Variants in SLCO1C1 observed in about 807,000 individuals in gnomAD.
SLCO1C1 encodes the protein OAT-RP-5.
SLCO1C1 carries 70 observed loss-of-function variants against 76.4 expected under a neutral mutation model. The ratio of observed to expected loss-of-function variants is 0.92; its 90% CI spans 0.76 to 1.12. SLCO1C1 has a LOEUF of 1.12. Among genes scored for constraint, SLCO1C1 ranks in the 50% most tolerant of loss-of-function variants. The pLI is 0.00. For missense variants in SLCO1C1, 912 were observed against 823.8 expected (o/e 1.11, Z -1.31); for synonymous variants, 306 against 286.1 (o/e 1.07, Z -0.70).
In SLCO1C1 at chr12:20,717,113, T is replaced by C; in HGVS notation, c.677-19T>C. Reference sequence around the variant, plus strand: ...AGAAATGACAGCTTTTTTTTTTTCCTTTTCTTTTCTTGGTGCAGGGTGTGT... The same window carrying C: ...AGAAATGACAGCTTTTTTTTTTTCCCTTTCTTTTCTTGGTGCAGGGTGTGT... On this transcript the variant is annotated intron_variant, in intron 6 of 14. Coordinates refer to ENST00000266509, the MANE Select transcript of SLCO1C1 (RefSeq NM_017435.5). The C allele has an allele frequency of 6.3e-7, 1 of 1,576,738 alleles. No homozygotes were observed. The highest frequency in any genetic ancestry group is 1.9e-5 in the Admixed American group (1 of 53,628).
intron 13 of SLCO1C1, among the ~76,000 whole-genome samples, chr12:20,744,094 T>A (rs1429374394): frequency 6.6e-6 from 1 of 152,038 alleles, no homozygotes; most frequent in Non-Finnish European, 1.5e-5. Flanking sequence ...GATCTTGATA[T>A]AAAATGGTTG....
chr12:20,746,984 A>G (rs1430008475), intron 13 of SLCO1C1, among the ~76,000 whole-genome samples: 2 of 146,200 alleles, frequency 1.4e-5, no homozygotes, highest in Non-Finnish European at 3.0e-5. Context: ...TACATTTTAG[A>G]TAAAATTAAT....
intron 5 of SLCO1C1, among the ~76,000 whole-genome samples, chr12:20,713,886 G>A (rs867808039): frequency 2.6e-5 from 4 of 152,142 alleles, no homozygotes; most frequent in Middle Eastern, 3.2e-3. Context: ...CAGACCTAAG[G>A]TGCCTACACT....
intron 11 of SLCO1C1, among the ~76,000 whole-genome samples, chr12:20,737,987 G>A (rs974029965): frequency 6.6e-6 from 1 of 152,082 alleles, no homozygotes; most frequent in Non-Finnish European, 1.5e-5. Context: ...CTGGTTCCTA[G>A]TGAGGACCCA....
intron 12 of SLCO1C1, 90 bp downstream of exon 12, chr12:20,740,458 T>C: frequency 8.4e-7 from 1 of 1,190,338 alleles, no homozygotes; most frequent in South Asian, 1.5e-5. Context: ...AGTCTATGAT[T>C]CCTCTTAGTT....
chr12:20,737,135 G>A lies in SLCO1C1; in HGVS notation c.1411G>A (p.Ala471Thr). Residue 471 changes from alanine to threonine, a missense_variant, in exon 11 of 15, where the codon GCT (alanine) becomes ACT (threonine). Ala to Thr is a moderately conservative substitution (Grantham distance 58, BLOSUM62 0). Transcript: ENST00000266509. ...GTKPVSYHER[A>T]LFSDCNSRCK... ...CAAACCTGTCTCTTATCATGAACGA[G>A]CTCTCTTTTCAGATTGCAACTCAAG... 6.5e-7 allele frequency: 1 copy of A among 1,535,550 alleles called. No individual in the cohort carries two copies. Among genetic ancestry groups the A allele is most frequent in the Non-Finnish European group, 8.7e-7 (1 of 1,149,448 alleles).
At chr12:20,717,682 T>C (rs10841597) in intron 7 of SLCO1C1, among the ~76,000 whole-genome samples, 2,869 of 122,452 alleles carry the variant, frequency 0.023, 100 homozygotes, top group African/African-American at 0.071. Flanking sequence ...TTTTTTTTTT[T>C]TTTTTTTTTT....
At chr12:20,713,135 A>T (rs1947202404) in intron 5 of SLCO1C1, among the ~76,000 whole-genome samples, 1 of 146,714 alleles carries the variant, frequency 6.8e-6, no homozygotes, top group East Asian at 2.0e-4. Flanking sequence ...GCTGGAGTGC[A>T]GTGGCGCGAT....
At position 20,743,254 on chromosome 12, in the gene SLCO1C1, T is replaced by G. The variant is rs1261097377; in HGVS notation, c.1734-51T>G. ...GGCAGATTATCCTTCAAATTTCTAT[T>G]TGCTTTAATGGATTATATATTTCTT... On this transcript the variant is annotated intron_variant, in intron 12 of 14. Transcript: ENST00000266509. The G allele has an allele frequency of 4.6e-6, 7 of 1,512,586 alleles. No individual in the cohort carries two copies. The South Asian group carries it at 6.9e-5, about 15-fold the overall frequency. 93.7% of individuals were successfully genotyped at this position (1,512,586 alleles called of 1,614,324 possible). A position where few individuals can be genotyped will look rare whatever the true frequency, so the allele number is the denominator to read the frequency against.
Position 20,708,485 on chromosome 12 carries a change from A to T in SLCO1C1, c.404+2404A>T, listed in dbSNP as rs80021378. On this transcript the variant is annotated intron_variant, in intron 4 of 14. Coordinates refer to ENST00000266509, the MANE Select transcript of SLCO1C1 (RefSeq NM_017435.5). ...AATAACCCAGTAAAGACACATAAGG[A>T]GTATGTGTGGTGGGTTGGGGGTGGT... 7.3e-3 allele frequency among the ~76,000 whole-genome samples: 1,104 copies of T among 152,162 alleles called. 28 individuals are homozygous for T. Among genetic ancestry groups the T allele is most frequent in the East Asian group, 0.059 (305 of 5,160 alleles).
At chr12:20,704,533 A>C (rs10770705) in intron 3 of SLCO1C1, among the ~76,000 whole-genome samples, 106,189 of 151,166 alleles carry the variant, frequency 0.7, 37,600 homozygotes, top group East Asian at 0.81. Flanking sequence ...ATCTTGTGCT[A>C]AATTATTCGT....
intron 7 of SLCO1C1, among the ~76,000 whole-genome samples, chr12:20,720,336 G>C (rs1454341834): frequency 3.9e-5 from 6 of 152,270 alleles, no homozygotes. Flanking sequence ...ATACCCCATG[G>C]ATCAAGGAGT....
At chr12:20,752,206 C>T (rs1209841253) in intron 14 of SLCO1C1, 100 bp from the exon 15 acceptor site, 1 of 754,520 alleles carries the variant, frequency 1.3e-6, no homozygotes, top group Non-Finnish European at 2.0e-6. Context: ...ACCAAATCTA[C>T]ATTCTTAAAG....
chr12:20,740,403 C>A (rs1391461531), intron 12 of SLCO1C1, 35 bp downstream of exon 12: 2 of 1,556,024 alleles, frequency 1.3e-6, no homozygotes, highest in Admixed American at 2.0e-5. Context: ...AATTTTAACA[C>A]AAGACACAAT....
intron 12 of SLCO1C1, among the ~76,000 whole-genome samples, chr12:20,740,579 A>G (rs1228165240): frequency 6.6e-6 from 1 of 151,714 alleles, no homozygotes; most frequent in South Asian, 2.1e-4. Context: ...AAATGTTTGC[A>G]AACTATTGGT....
At chr12:20,717,296 T>A in intron 7 of SLCO1C1, 66 bp downstream of exon 7, 2 of 1,277,208 alleles carry the variant, frequency 1.6e-6, no homozygotes, top group South Asian at 2.9e-5. Flanking sequence ...ATGGGAACAG[T>A]GTGGAAATTA....
At chr12:20,736,341 G>GT (rs1051245285) in intron 10 of SLCO1C1, among the ~76,000 whole-genome samples, 5 of 151,142 alleles carry the variant, frequency 3.3e-5, no homozygotes, top group African/African-American at 1.2e-4. Flanking sequence ...AATTTTGGGG[G>GT]GGGGTGCAAA....
chr12:20,718,289 G>C (rs1056689758), intron 7 of SLCO1C1, among the ~76,000 whole-genome samples: 3 of 152,164 alleles, frequency 2.0e-5, no homozygotes, highest in Admixed American at 2.0e-4. Context: ...GAGCCTACTT[G>C]TCAAGGGCCA....
chr12:20,742,938 A>C (rs745730355), intron 12 of SLCO1C1, among the ~76,000 whole-genome samples: 7 of 152,072 alleles, frequency 4.6e-5, no homozygotes, highest in Non-Finnish European at 1.0e-4. Flanking sequence ...AAGCCATAAA[A>C]ATTTTTTGGC....
Sources: gnomAD v4.1 joint callset for allele counts (sites outside exome capture counted in the v4.1 genomes callset) on GRCh38, gnomAD v4.1.1 for gene constraint, MANE v1.5 for transcripts, NCBI Gene and HGNC (gene_info 2026-07-23, HGNC 2026-07-21) for gene names.